The following CBR4 variants were observed in gnomAD, a reference collection of about 807,000 sequenced individuals.
CBR4 encodes 3-oxoacyl-[acyl-carrier-protein] reductase.
Under a neutral mutation model 21.0 loss-of-function variants are expected in CBR4, and 22 were observed. That is an observed-to-expected ratio of 1.05 (90% CI 0.75 to 1.50). The LOEUF is 1.50. CBR4 is among the 40% of genes most tolerant of loss of function. CBR4 has a pLI of 0.00. For missense variants in CBR4, 302 were observed against 286.3 expected (o/e 1.05, Z -0.40); for synonymous variants, 100 against 104.4 (o/e 0.96, Z 0.26).
chr4:168,981,879 C>T (rs1183179521), intron 2 of CBR4, among the ~76,000 whole-genome samples: 4 of 152,126 alleles, frequency 2.6e-5, no homozygotes, highest in African/African-American at 9.7e-5. Context: ...CATTTGTTAC[C>T]ACCAGGTCTG....
At chr4:168,974,858 T>C (rs1764321645) in intron 2 of CBR4, among the ~76,000 whole-genome samples, 1 of 152,206 alleles carries the variant, frequency 6.6e-6, no homozygotes, top group African/African-American at 2.4e-5. Flanking sequence ...CTCTGGTATC[T>C]CCTTGAGTAG....
chr4:168,924,189 T>C, intron 2 of CBR4: 2 of 1,426,926 alleles, frequency 1.4e-6, no homozygotes, highest in Non-Finnish European at 2.0e-6. Flanking sequence ...TCCAAAAGCC[T>C]TCTGAATTCT....
rs1015085212 is a variant in CBR4, at chr4:168,939,382, C to T, written n.170-44617G>A. On this transcript the variant is annotated intron_variant and non_coding_transcript_variant, in intron 2 of 3. Transcript: ENST00000509108. Reference sequence around the variant, plus strand: ...AGCTGGAAGCATTCCCTTTGAAAACCGGCACAAGACAAGAACGCCCACTCT... The same window carrying T: ...AGCTGGAAGCATTCCCTTTGAAAACTGGCACAAGACAAGAACGCCCACTCT... Among the ~76,000 whole-genome samples, 10 of 152,154 alleles carry T rather than the reference C, an allele frequency of 6.6e-5. No individual in the cohort carries two copies. In the East Asian group the frequency reaches 9.7e-4, roughly 15 times the overall value.
chr4:168,921,966 C>T (rs1724697047), intron 2 of CBR4, among the ~76,000 whole-genome samples: 1 of 152,016 alleles, frequency 6.6e-6, no homozygotes, highest in African/African-American at 2.4e-5. Context: ...ATTTTATTAG[C>T]TCTTTTGGGT....
intron 2 of CBR4, chr4:168,928,339 A>C (rs1762818128): frequency 5.7e-6 from 1 of 176,332 alleles, no homozygotes; most frequent in African/African-American, 2.6e-5. Context: ...AAAAAAAAGT[A>C]CTATCAATCA....
intron 2 of CBR4, among the ~76,000 whole-genome samples, chr4:168,895,386 C>T (rs1754896358): frequency 6.6e-6 from 1 of 152,090 alleles, no homozygotes; most frequent in Admixed American, 6.5e-5. Flanking sequence ...GTCTCCAAAA[C>T]AAAACAAAAC....
At chr4:168,987,371 A>G (rs192421399), downstream of CBR4, among the ~76,000 whole-genome samples, 24 of 152,358 alleles carry the variant, frequency 1.6e-4, no homozygotes, top group Admixed American at 1.6e-3. Flanking sequence ...ATTTTACTGC[A>G]TATATCCAAT....
Position 168,989,975 on chromosome 4 carries a change from C to A in CBR4, c.*175G>T, listed in dbSNP as rs1357700240. On this transcript the variant is annotated 3_prime_UTR_variant, in exon 5 of 5. Coordinates refer to ENST00000306193, the MANE Select transcript of CBR4 (RefSeq NM_032783.5). ...GTAACTTAGACCAAAAAAAAAAAAACCACAATTTGTCACACATTGTTCTTT... is the reference window on the plus strand; with the variant it reads ...GTAACTTAGACCAAAAAAAAAAAAAACACAATTTGTCACACATTGTTCTTT... 37 of 1,172,670 alleles carry A rather than the reference C, an allele frequency of 3.2e-5. No homozygotes were observed. Among genetic ancestry groups the A allele is most frequent in the Admixed American group, 8.9e-5 (2 of 22,508 alleles). The allele number at this position is 1,172,670 out of a possible 1,614,324, so 72.6% of individuals were successfully genotyped here.
At chr4:168,954,613 T>C (rs1763633048) in intron 2 of CBR4, among the ~76,000 whole-genome samples, 1 of 152,216 alleles carries the variant, frequency 6.6e-6, no homozygotes, top group Non-Finnish European at 1.5e-5. Flanking sequence ...CAATTTAGTA[T>C]ATGGGAAATT....
At chr4:168,895,210 C>T (rs1375003511) in intron 2 of CBR4, among the ~76,000 whole-genome samples, 5 of 152,092 alleles carry the variant, frequency 3.3e-5, no homozygotes, top group East Asian at 1.9e-4. Flanking sequence ...GGTGAAACCC[C>T]GTCTCTACTA....
chr4:168,931,229 T>A (rs1281911247), intron 2 of CBR4, among the ~76,000 whole-genome samples: 1 of 152,184 alleles, frequency 6.6e-6, no homozygotes, highest in Non-Finnish European at 1.5e-5. Context: ...TGACATGCCC[T>A]CAGGCCAGAA....
chr4:169,006,653 A>T, intron 3 of CBR4, 102 bp downstream of exon 3: 1 of 1,078,524 alleles, frequency 9.3e-7, no homozygotes. Context: ...AGATAATATA[A>T]ATTTCATTCA....
chr4:168,959,524 T>G (rs1034109727), intron 2 of CBR4, among the ~76,000 whole-genome samples: 13 of 151,058 alleles, frequency 8.6e-5, no homozygotes, highest in Non-Finnish European at 1.6e-4. Context: ...CTCGGTGGTT[T>G]ACATTACCAC....
chr4:168,924,285 T>G (rs774078101), intron 2 of CBR4: 1 of 1,613,994 alleles, frequency 6.2e-7, no homozygotes, highest in Non-Finnish European at 8.5e-7. Flanking sequence ...CCTGTGTTTA[T>G]TGAGAAGCTC....
intron 1 of CBR4, among the ~76,000 whole-genome samples, chr4:169,008,362 T>G (rs1731099829): frequency 6.6e-6 from 1 of 152,190 alleles, no homozygotes; most frequent in African/African-American, 2.4e-5. Context: ...TACTTACCAC[T>G]TTTAAAAAAT....
chr4:168,927,966 A>AT (rs758290443), intron 2 of CBR4: 6 of 196,282 alleles, frequency 3.1e-5, no homozygotes, highest in South Asian at 3.9e-4. Context: ...CATACGTAGT[A>AT]TTTTTTAAAA....
At chr4:168,993,212 C>CTTTTT (rs150721961) in intron 4 of CBR4, among the ~76,000 whole-genome samples, 1 of 139,418 alleles carries the variant, frequency 7.2e-6, no homozygotes, top group African/African-American at 2.7e-5. Context: ...ATGTATTTTC[C>CTTTTT]TTTTTTTTTT....
intron 2 of CBR4, among the ~76,000 whole-genome samples, chr4:168,968,194 T>C (rs1462308708): frequency 6.6e-6 from 1 of 152,196 alleles, no homozygotes; most frequent in African/African-American, 2.4e-5. Context: ...CTTTCTAACA[T>C]AGCCCTTATA....
chr4:168,929,814 A>G (rs1018278091), intron 2 of CBR4, among the ~76,000 whole-genome samples: 2 of 152,322 alleles, frequency 1.3e-5, no homozygotes, highest in African/African-American at 2.4e-5. Context: ...TAATTTTGAC[A>G]TGGTACCTGG....
Sources: allele counts gnomAD v4.1 joint callset (sites outside exome capture counted in the v4.1 genomes callset), GRCh38; gene constraint gnomAD v4.1.1; transcripts MANE v1.5; gene names NCBI Gene and HGNC (gene_info 2026-07-23, HGNC 2026-07-21).